Variants in DOCK2 observed in about 807,000 individuals in gnomAD.
DOCK2 encodes the protein dedicator of cytokinesis 2, also known as dedicator of cytokinesis protein 2.
DOCK2 carries 87 observed loss-of-function variants against 248.9 expected under a neutral mutation model. The observed-to-expected ratio is 0.35, with a 90% CI of 0.29 to 0.42. The LOEUF (loss-of-function observed/expected upper bound fraction) is 0.42, where lower values mean the gene tolerates loss of function less well. Among genes scored for constraint, DOCK2 ranks in the 10% least tolerant of loss-of-function variants. The probability of loss-of-function intolerance (pLI) is 1.00; values close to 1 mark genes in which losing one functional copy is unlikely to be tolerated. For synonymous variants in DOCK2, 805 were observed against 821.6 expected, an observed-to-expected ratio of 0.98 and a Z score of 0.35; for missense variants, 1,747 against 2,300.2, an observed-to-expected ratio of 0.76 and a Z score of 4.92.
rs549757578 is a variant in DOCK2, at chr5:169,950,883, A to T, written c.2800-32185A>T. ...CAAACACTGGCAGCCCACGGGGCAGATGTGGCCTGTGATGTTTTGACTGGT... is the reference window on the plus strand; with the variant it reads ...CAAACACTGGCAGCCCACGGGGCAGTTGTGGCCTGTGATGTTTTGACTGGT... On this transcript the variant is annotated intron_variant, in intron 27 of 51. Coordinates refer to ENST00000520908, the MANE Select transcript of DOCK2 (RefSeq NM_004946.3). Among the ~76,000 whole-genome samples the T allele has an allele frequency of 1.1e-3, 162 of 152,354 alleles. 1 individual carries two copies. The highest frequency in any genetic ancestry group is 3.8e-3 in the African/African-American group (158 of 41,582).
At position 170,062,128 on chromosome 5, in the gene DOCK2, T is replaced by TGTGA. The variant is rs778077276; in HGVS notation, c.4467+4463_4467+4464insTGAG. On this transcript the variant is annotated intron_variant, in intron 44 of 51. Transcript: ENST00000520908. ...GTGTGTGTGTGTGTGTGTGTGTGTGTGAGAGAGAGAGAGAGAGAGACAGAG... is the reference window on the plus strand; with the variant it reads ...GTGTGTGTGTGTGTGTGTGTGTGTGTGTGAGAGAGAGAGAGAGAGAGAGACAGAG... Among the ~76,000 whole-genome samples the TGTGA allele has an allele frequency of 5.5e-3, 760 of 137,866 alleles. 9 individuals are homozygous for TGTGA. The highest frequency in any genetic ancestry group is 0.021 in the African/African-American group (732 of 34,290). The allele number at this position is 137,866 out of a possible 152,430, so 90.4% of individuals were successfully genotyped here. A position where few individuals can be genotyped will look rare whatever the true frequency, so the allele number is the denominator to read the frequency against.
chr5:170,045,318 A>T (rs553633502), intron 38 of DOCK2, among the ~76,000 whole-genome samples: 22 of 152,238 alleles, frequency 1.4e-4, no homozygotes, highest in Middle Eastern at 3.4e-3. Context: ...TATCTTTGGA[A>T]AAGGGGGCCA....
intron 11 of DOCK2, 50 bp downstream of exon 11, chr5:169,698,499 A>G: frequency 6.3e-7 from 1 of 1,598,826 alleles, no homozygotes. Flanking sequence ...ACCCTTTGTC[A>G]TCAAGGGCTG....
chr5:169,681,870 A>AGAGG lies in DOCK2; in HGVS notation c.599_600insGGGA (p.Glu201GlyfsTer23). The AGAGG allele has an allele frequency of 1.2e-6, 2 of 1,613,788 alleles. No homozygotes were observed. The highest frequency in any genetic ancestry group is 8.5e-7 in the Non-Finnish European group (1 of 1,179,874). ...CTGATAAAATCACAGAGCGTATCAA[A>AGAGG]GAAGAAATGGTGAGCTTTACTAAAT... On this transcript the variant is annotated frameshift_variant, in exon 7 of 52. Coordinates refer to ENST00000520908, the MANE Select transcript of DOCK2 (RefSeq NM_004946.3). LOFTEE classifies it high-confidence loss of function.
At chr5:170,040,731 G>A in intron 36 of DOCK2, 1 of 258,752 alleles carries the variant, frequency 3.9e-6, no homozygotes, top group South Asian at 7.9e-5. Context: ...CAAGTTGCAT[G>A]TTAGCTGGAA....
intron 27 of DOCK2, among the ~76,000 whole-genome samples, chr5:169,869,383 C>A (rs531455645): frequency 6.6e-6 from 1 of 152,194 alleles, no homozygotes; most frequent in Non-Finnish European, 1.5e-5. Context: ...CAAGGCCAGG[C>A]AAATAGCAGA....
intron 30 of DOCK2, among the ~76,000 whole-genome samples, chr5:170,005,018 GTAAC>G (rs1754972778): frequency 1.3e-5 from 2 of 149,800 alleles, no homozygotes; most frequent in Admixed American, 6.7e-5. Context: ...GTATACATAT[GTAAC>G]TAACCTGCAC....
chr5:169,995,104 C>A (rs1257403842), intron 29 of DOCK2, among the ~76,000 whole-genome samples: 1 of 148,378 alleles, frequency 6.7e-6, no homozygotes, highest in Non-Finnish European at 1.5e-5. Context: ...TCTCAGATTT[C>A]TGCAACCTCC....
chr5:169,855,192 A>G (rs936967127), intron 27 of DOCK2, among the ~76,000 whole-genome samples: 5 of 152,262 alleles, frequency 3.3e-5, no homozygotes, highest in African/African-American at 1.2e-4. Context: ...AAATGAGATA[A>G]TGCAGGCAAA....
At chr5:169,896,837 G>A (rs1445439594) in intron 27 of DOCK2, among the ~76,000 whole-genome samples, 2 of 152,172 alleles carry the variant, frequency 1.3e-5, no homozygotes, top group Non-Finnish European at 2.9e-5. Flanking sequence ...ATAATAAAAT[G>A]CAGATGCCAT....
intron 27 of DOCK2, among the ~76,000 whole-genome samples, chr5:169,874,327 C>T (rs1294007829): frequency 1.4e-5 from 2 of 147,584 alleles, no homozygotes; most frequent in East Asian, 2.0e-4. Flanking sequence ...GCAGAAAAAT[C>T]GCTTAAACCT....
chr5:169,910,787 A>G (rs1676940708), intron 27 of DOCK2, among the ~76,000 whole-genome samples: 1 of 152,236 alleles, frequency 6.6e-6, no homozygotes, highest in South Asian at 2.1e-4. Flanking sequence ...TTCTTGAGAA[A>G]TGGCAGGTGC....
chr5:169,877,712 G>A (rs1048124680), intron 27 of DOCK2, among the ~76,000 whole-genome samples: 2 of 152,108 alleles, frequency 1.3e-5, no homozygotes, highest in African/African-American at 4.8e-5. Context: ...GCAGAAAGTG[G>A]TGCCACAGAA....
At chr5:170,009,534 T>C (rs1247404784) in intron 32 of DOCK2, among the ~76,000 whole-genome samples, 1 of 152,224 alleles carries the variant, frequency 6.6e-6, no homozygotes, top group Non-Finnish European at 1.5e-5. Flanking sequence ...GATGGGTGGA[T>C]GGATGAACGA....
At chr5:169,707,388 A>G (rs189779678) in intron 14 of DOCK2, among the ~76,000 whole-genome samples, 1 of 152,242 alleles carries the variant, frequency 6.6e-6, no homozygotes, top group East Asian at 1.9e-4. Flanking sequence ...AAGATTCTCA[A>G]CTGTCATTGC....
intron 25 of DOCK2, among the ~76,000 whole-genome samples, chr5:169,783,187 C>T (rs150514422): frequency 1.3e-5 from 2 of 152,126 alleles, no homozygotes; most frequent in East Asian, 3.8e-4. Flanking sequence ...TTAAAATGAA[C>T]AAGAAACACC....
intron 29 of DOCK2, among the ~76,000 whole-genome samples, chr5:169,986,124 T>C (rs537223315): frequency 6.6e-6 from 1 of 152,318 alleles, no homozygotes; most frequent in South Asian, 2.1e-4. Context: ...ACTTCTCCAT[T>C]TTTCAAATCC....
intron 8 of DOCK2, among the ~76,000 whole-genome samples, chr5:169,685,481 A>G (rs264848): frequency 1 from 151,779 of 152,324 alleles, 75,619 homozygotes; most frequent in Middle Eastern, 1. Flanking sequence ...CATATTTGAG[A>G]CCACTGACCG....
At chr5:169,686,643 T>C (rs1376348336) in intron 8 of DOCK2, among the ~76,000 whole-genome samples, 2 of 152,186 alleles carry the variant, frequency 1.3e-5, no homozygotes, top group South Asian at 2.1e-4. Context: ...AAGCAAGAAA[T>C]CTGGGCTCCT....
Sources: allele counts gnomAD v4.1 joint callset (sites outside exome capture counted in the v4.1 genomes callset), GRCh38; gene constraint gnomAD v4.1.1; transcripts MANE v1.5; gene names NCBI Gene and HGNC (gene_info 2026-07-23, HGNC 2026-07-21).